The following PLCH1 variants were observed in gnomAD, a reference collection of about 807,000 sequenced individuals.
PLCH1 encodes phospholipase C eta 1, also known as 1-phosphatidylinositol 4,5-bisphosphate phosphodiesterase eta-1.
Under a neutral mutation model 126.7 loss-of-function variants are expected in PLCH1, and 60 were observed. The ratio of observed to expected loss-of-function variants is 0.47; its 90% CI spans 0.38 to 0.59. The LOEUF is 0.59. Among genes scored for constraint, PLCH1 ranks in the 20% least tolerant of loss-of-function variants. The probability of loss-of-function intolerance (pLI) is 0.00; values close to 1 mark genes in which losing one functional copy is unlikely to be tolerated. For synonymous variants in PLCH1, 719 were observed against 734.9 expected (o/e 0.98, Z 0.35); for missense variants, 1,723 against 2,040.0 (o/e 0.84, Z 2.99).
chr3:155,481,409 C>T lies in PLCH1; in HGVS notation c.4617G>A (p.Arg1539=), dbSNP rs1420090022. 6.2e-7 allele frequency: 1 copy of T among 1,614,204 alleles called. No individual in the cohort carries two copies. The highest frequency in any genetic ancestry group is 1.7e-5 in the Admixed American group (1 of 60,026). Reference sequence around the variant, plus strand: ...CTTCCTGGTCAAAGGACACAAGCTTCCGAAGCTGCTCGGTCAGGGCATCTA... The same window carrying T: ...CTTCCTGGTCAAAGGACACAAGCTTTCGAAGCTGCTCGGTCAGGGCATCTA... ...EPIDALTEQL[R]KLVSFDQEDN... Residue 1539 remains arginine, a synonymous_variant, in exon 23 of 23, where the codon CGG becomes CGA. Coordinates refer to ENST00000460012, the MANE Select transcript of PLCH1 (RefSeq NM_014996.4). The surrounding 1 kb of genome is among the most constrained non-coding windows in gnomAD (Gnocchi z 4.2).
intron 1 of PLCH1, among the ~76,000 whole-genome samples, chr3:155,717,636 G>A (rs747041452): frequency 2.0e-5 from 3 of 152,202 alleles, no homozygotes; most frequent in African/African-American, 4.8e-5. Flanking sequence ...GGCTAATGCC[G>A]GAGCAGCCGG....
intron 2 of PLCH1, among the ~76,000 whole-genome samples, chr3:155,689,847 A>G (rs559910898): frequency 6.6e-6 from 1 of 152,252 alleles, no homozygotes; most frequent in East Asian, 1.9e-4. Flanking sequence ...GAGAGACAGA[A>G]GTAGAAAGTT....
At position 155,549,917 on chromosome 3, in the gene PLCH1, T is replaced by C. The variant is rs1209237650; in HGVS notation, c.1232A>G (p.Gln411Arg). Reference protein sequence around the residue: ...ILSIENHCSIQQQRKIAQYLK... With the variant: ...ILSIENHCSIRQQRKIAQYLK... ...GTACTGAGCAATCTTCCTTTGCTGC[T>C]GGATACTGCAGTGATTCTCGATAGA... Residue 411 changes from glutamine (Q) to arginine (R), a missense_variant, in exon 10 of 23, where the codon CAG (glutamine) becomes CGG (arginine). By Grantham distance (43) the Gln-to-Arg change is conservative. Coordinates refer to ENST00000460012, the MANE Select transcript of PLCH1 (RefSeq NM_014996.4). The C allele has an allele frequency of 1.2e-6, 2 of 1,613,674 alleles. No individual in the cohort carries two copies. Among genetic ancestry groups the C allele is most frequent in the Admixed American group, 1.7e-5 (1 of 59,996 alleles).
intron 2 of PLCH1, among the ~76,000 whole-genome samples, chr3:155,636,345 T>C (rs921395383): frequency 6.6e-6 from 1 of 152,172 alleles, no homozygotes; most frequent in African/African-American, 2.4e-5. Flanking sequence ...ATTGTTGCTA[T>C]TAGGGAAAAA....
intron 10 of PLCH1, among the ~76,000 whole-genome samples, chr3:155,544,645 C>G (rs1724927674): frequency 6.6e-6 from 1 of 152,132 alleles, no homozygotes; most frequent in Admixed American, 6.6e-5. Flanking sequence ...AAGTAAAGCT[C>G]TCCTCAGCAA....
rs777459311 is a variant in PLCH1 at position 155,482,115 on chromosome 3, C to T, written c.3911G>A (p.Arg1304His). 3 of 1,614,130 alleles carry T rather than the reference C, an allele frequency of 1.9e-6. No individual in the cohort carries two copies. Among genetic ancestry groups the T allele is most frequent in the Non-Finnish European group, 1.7e-6 (2 of 1,180,010 alleles). ...SNLPGSPNTS[R>H]GWLPKSPTKG... ...GGTAGGACTTTTTGGTAACCAGCCA[C>T]GAGAAGTATTAGGGGATCCAGGCAG... Residue 1304 changes from arginine (R) to histidine (H), a missense_variant, in exon 23 of 23, where the codon CGT becomes CAT. Arg to His is a conservative substitution (Grantham distance 29, BLOSUM62 0). Around this residue, in one of 2 missense-constraint regions of PLCH1, gnomAD observed 947 missense variants for 977.1 expected, o/e 0.97. Coordinates refer to ENST00000460012, the MANE Select transcript of PLCH1 (RefSeq NM_014996.4).
intron 2 of PLCH1, among the ~76,000 whole-genome samples, chr3:155,659,925 C>G (rs35123304): frequency 6.6e-6 from 1 of 152,086 alleles, no homozygotes; most frequent in African/African-American, 2.4e-5. Flanking sequence ...TAAGCCACCA[C>G]GCCCAGCTGT....
In PLCH1 at chr3:155,566,352, CATAT is replaced by C. The variant is rs1491489311; in HGVS notation, c.866-1238_866-1235del. On this transcript the variant is annotated intron_variant, in intron 7 of 22. Coordinates refer to ENST00000460012, the MANE Select transcript of PLCH1 (RefSeq NM_014996.4). Reference sequence around the variant, plus strand: ...ATACGTATATATACACATATATATACATATATATACACACATATATATATGTGTG... The same window carrying C: ...ATACGTATATATACACATATATATACATATACACACATATATATATGTGTG... Among the ~76,000 whole-genome samples, 260 of 27,934 alleles carry C rather than the reference CATAT, an allele frequency of 9.3e-3. 37 individuals are homozygous for C. Among genetic ancestry groups the C allele is most frequent in the African/African-American group, 0.016 (245 of 15,658 alleles). 18.3% of individuals were successfully genotyped at this position (27,934 alleles called of 152,430 possible).
At chr3:155,701,526 C>T (rs1201789106) in intron 2 of PLCH1, among the ~76,000 whole-genome samples, 1 of 152,098 alleles carries the variant, frequency 6.6e-6, no homozygotes, top group Non-Finnish European at 1.5e-5. Context: ...TGGTTCTTTT[C>T]CATTTATGGA....
At chr3:155,455,803 A>C (rs1712427567) in intron 21 of PLCH1, among the ~76,000 whole-genome samples, 1 of 152,248 alleles carries the variant, frequency 6.6e-6, no homozygotes, top group Non-Finnish European at 1.5e-5. Context: ...CCCATAGGCT[A>C]TCTTTTCTTT....
At chr3:155,635,682 T>A (rs1738635389) in intron 2 of PLCH1, among the ~76,000 whole-genome samples, 1 of 152,224 alleles carries the variant, frequency 6.6e-6, no homozygotes, top group Non-Finnish European at 1.5e-5. Flanking sequence ...TGCTTGCAAG[T>A]CTAAGAGCTG....
At chr3:155,541,486 G>A (rs933558488) in intron 10 of PLCH1, among the ~76,000 whole-genome samples, 1 of 152,132 alleles carries the variant, frequency 6.6e-6, no homozygotes, top group African/African-American at 2.4e-5. Context: ...TTTCCATACT[G>A]TTATGTCTTA....
intron 2 of PLCH1, among the ~76,000 whole-genome samples, chr3:155,661,005 T>C (rs1250811035): frequency 6.6e-6 from 1 of 152,220 alleles, no homozygotes; most frequent in Non-Finnish European, 1.5e-5. Context: ...ATATTTAGAA[T>C]AGGGAAGTAT....
intron 2 of PLCH1, among the ~76,000 whole-genome samples, chr3:155,685,454 A>G (rs1412268359): frequency 6.6e-6 from 1 of 152,250 alleles, no homozygotes; most frequent in East Asian, 1.9e-4. Context: ...AAGGGAAGGC[A>G]GAGCTCCTTA....
chr3:155,478,459 A>G (rs1713642958), downstream of PLCH1, among the ~76,000 whole-genome samples: 1 of 152,148 alleles, frequency 6.6e-6, no homozygotes, highest in African/African-American at 2.4e-5. Flanking sequence ...TGGATACTCC[A>G]TTCTCCATGA....
intron 2 of PLCH1, chr3:155,676,011 A>G (rs942516414): frequency 6.5e-7 from 1 of 1,533,488 alleles, no homozygotes; most frequent in Admixed American, 2.0e-5. Flanking sequence ...TTCTGGACTT[A>G]AGTTTTTATA....
At chr3:155,578,384 A>G (rs1029999026) in intron 6 of PLCH1, among the ~76,000 whole-genome samples, 5 of 152,228 alleles carry the variant, frequency 3.3e-5, no homozygotes, top group African/African-American at 1.2e-4. Context: ...CATAAAAGTG[A>G]ATCTGTTATT....
chr3:155,511,845 G>C (rs1375051616), intron 12 of PLCH1, among the ~76,000 whole-genome samples: 1 of 151,852 alleles, frequency 6.6e-6, no homozygotes, highest in Non-Finnish European at 1.5e-5. Context: ...GCCTACAGAG[G>C]CAGGCAGGCC....
At chr3:155,560,786 C>T (rs1000150449) in intron 8 of PLCH1, among the ~76,000 whole-genome samples, 1 of 152,130 alleles carries the variant, frequency 6.6e-6, no homozygotes, top group Admixed American at 6.5e-5. Context: ...ACATTCCCCA[C>T]CAAAATCAAA....
Sources: gnomAD v4.1 joint callset for allele counts (sites outside exome capture counted in the v4.1 genomes callset) on GRCh38, gnomAD v4.1.1 for gene constraint, gnomAD v4.1.1 regional missense constraint, Gnocchi (gnomAD v3.1) non-coding constraint, MANE v1.5 for transcripts, NCBI Gene and HGNC (gene_info 2026-07-23, HGNC 2026-07-21) for gene names.